STX7: variants seen among roughly 807,000 people sequenced by gnomAD.
The protein encoded by STX7 is syntaxin 7, also known as syntaxin-7.
In STX7, 34 loss-of-function variants were observed where a neutral mutation model predicts 39.6. That is an observed-to-expected ratio of 0.86 (90% CI 0.65 to 1.14). The LOEUF is 1.14. Ranked by LOEUF, STX7 falls within the 50% of genes most tolerant of loss-of-function variation. The pLI is 0.00. For missense variants in STX7, 284 were observed against 310.4 expected, an observed-to-expected ratio of 0.92 and a Z score of 0.64; for synonymous variants, 119 against 99.1, an observed-to-expected ratio of 1.20 and a Z score of -1.19.
chr6:132,472,888 T>G (rs538658228), intron 3 of STX7, among the ~76,000 whole-genome samples: 11 of 152,176 alleles, frequency 7.2e-5, no homozygotes, highest in Non-Finnish European at 1.3e-4. Context: ...CCAGGCATGC[T>G]GGCTCACACC....
chr6:132,507,424 A>T (rs1029383235), intron 1 of STX7, among the ~76,000 whole-genome samples: 1 of 152,260 alleles, frequency 6.6e-6, no homozygotes, highest in Non-Finnish European at 1.5e-5. Flanking sequence ...CATTTCTATT[A>T]CGCTAAAAGG....
intron 7 of STX7, among the ~76,000 whole-genome samples, chr6:132,469,273 A>G (rs1159334721): frequency 1.3e-5 from 2 of 152,206 alleles, no homozygotes; most frequent in Non-Finnish European, 2.9e-5. Context: ...AGGCCTTATA[A>G]AAGGTCTTAC....
rs1175481401 is a variant in STX7 at position 132,459,180 on chromosome 6, G to A, written c.*1578C>T. ...TTGTGTGAATTCTCCTCCCTGCATTGTCCATTCTGTTCTAGGGCAGTCTGA... is the reference window on the plus strand; with the variant it reads ...TTGTGTGAATTCTCCTCCCTGCATTATCCATTCTGTTCTAGGGCAGTCTGA... On this transcript the variant is annotated 3_prime_UTR_variant, in exon 10 of 10. Transcript: ENST00000367941. The A allele has an allele frequency of 1.3e-5, 2 of 152,284 alleles. No homozygotes were observed. Among genetic ancestry groups the A allele is most frequent in the East Asian group, 3.9e-4 (2 of 5,190 alleles). The allele number at this position is 152,284 out of a possible 1,614,324, so 9.4% of individuals were successfully genotyped here. A position where few individuals can be genotyped will look rare whatever the true frequency, so the allele number is the denominator to read the frequency against.
chr6:132,477,166 ATT>A (rs954313077), intron 2 of STX7, among the ~76,000 whole-genome samples: 1 of 152,082 alleles, frequency 6.6e-6, no homozygotes, highest in African/African-American at 2.4e-5. Flanking sequence ...ATAGGAATTT[ATT>A]TTTGCTTTTT....
chr6:132,477,496 C>T (rs1425450464), intron 2 of STX7, among the ~76,000 whole-genome samples: 2 of 152,004 alleles, frequency 1.3e-5, no homozygotes, highest in Non-Finnish European at 2.9e-5. Context: ...AGAAAGAACC[C>T]TACCTCCCAG....
At chr6:132,463,499 T>G (rs1246274929) in intron 9 of STX7, among the ~76,000 whole-genome samples, 1 of 152,196 alleles carries the variant, frequency 6.6e-6, no homozygotes. Context: ...GTCTGCTGAA[T>G]GTGGACAGAA....
At chr6:132,474,456 C>T (rs1325316510) in intron 3 of STX7, among the ~76,000 whole-genome samples, 1 of 151,980 alleles carries the variant, frequency 6.6e-6, no homozygotes, top group Non-Finnish European at 1.5e-5. Context: ...ATTGTAAGTC[C>T]TTCAAATTGT....
At chr6:132,475,691 T>C (rs1294334073) in intron 2 of STX7, 29 bp from the exon 3 acceptor site, 2 of 1,519,544 alleles carry the variant, frequency 1.3e-6, no homozygotes, top group East Asian at 2.3e-5. Context: ...CATGTATTAA[T>C]TGTCACAAAA....
chr6:132,512,192 G>T (rs904057810), intron 1 of STX7, among the ~76,000 whole-genome samples: 4 of 152,012 alleles, frequency 2.6e-5, no homozygotes, highest in Non-Finnish European at 2.9e-5. Context: ...CAGATTCTGG[G>T]CAAGTTTTAT....
At chr6:132,512,146 A>G (rs2114496435) in intron 1 of STX7, among the ~76,000 whole-genome samples, 1 of 152,322 alleles carries the variant, frequency 6.6e-6, no homozygotes, top group Non-Finnish European at 1.5e-5. Flanking sequence ...AACATTATTA[A>G]ATAGCACAGC....
intron 2 of STX7, among the ~76,000 whole-genome samples, 191 bp from the exon 3 acceptor site, chr6:132,475,853 C>T (rs187902942): frequency 4.6e-5 from 7 of 152,146 alleles, no homozygotes; most frequent in Admixed American, 4.6e-4. Flanking sequence ...CAAAAATTTT[C>T]AAGAGGAAAT....
chr6:132,485,730 T>C (rs1428700554), intron 2 of STX7, among the ~76,000 whole-genome samples: 1 of 152,234 alleles, frequency 6.6e-6, no homozygotes, highest in Non-Finnish European at 1.5e-5. Flanking sequence ...ATCCGTGCTT[T>C]TAATTTGTAT....
rs1774240178 is a variant in STX7 at position 132,456,230 on chromosome 6, T to G, written c.*4528A>C. On this transcript the variant is annotated 3_prime_UTR_variant, in exon 10 of 10. Coordinates refer to ENST00000367941, the MANE Select transcript of STX7 (RefSeq NM_003569.3). ...AGCAATTTTCTGGTAGTCTGTCAAT[T>G]AAGAAAAGAAAATGAAATTCAGTTA... 1 of 152,142 alleles carries G rather than the reference T, an allele frequency of 6.6e-6. No individual in the cohort carries two copies. The highest frequency in any genetic ancestry group is 2.4e-5 in the African/African-American group (1 of 41,428). The allele number at this position is 152,142 out of a possible 1,614,324, so 9.4% of individuals were successfully genotyped here.
intron 2 of STX7, among the ~76,000 whole-genome samples, chr6:132,478,802 A>G (rs1188860323): frequency 1.3e-5 from 2 of 152,150 alleles, no homozygotes; most frequent in Admixed American, 1.3e-4. Flanking sequence ...GCTCTACCCT[A>G]AAGGACAGAG....
At chr6:132,477,555 T>C (rs971868720) in intron 2 of STX7, among the ~76,000 whole-genome samples, 9 of 152,082 alleles carry the variant, frequency 5.9e-5, no homozygotes, top group Non-Finnish European at 1.0e-4. Flanking sequence ...AATAGTAAAA[T>C]TGAAAATATT....
At position 132,448,076 on chromosome 6, in the gene STX7, C is replaced by T. The variant is rs1774055906; in HGVS notation, c.*12682G>A. On this transcript the variant is annotated 3_prime_UTR_variant, in exon 10 of 10. Transcript: ENST00000367941. ...TGTTAAGTACTTAGATTAACAACAT[C>T]TAAAGTCATTCATTATCTTAACTTC... 6.6e-6 allele frequency: 1 copy of T among 152,114 alleles called. No homozygotes were observed. The highest frequency in any genetic ancestry group is 2.4e-5 in the African/African-American group (1 of 41,432). 9.4% of individuals were successfully genotyped at this position (152,114 alleles called of 1,614,324 possible). A position where few individuals can be genotyped will look rare whatever the true frequency, so the allele number is the denominator to read the frequency against.
At chr6:132,507,651 T>C (rs998998464) in intron 1 of STX7, among the ~76,000 whole-genome samples, 8 of 128,474 alleles carry the variant, frequency 6.2e-5, no homozygotes, top group African/African-American at 2.6e-4. Context: ...ATTCCTTCAT[T>C]ATTGCCAAAT....
chr6:132,492,306 A>G (rs1156270418), intron 2 of STX7, among the ~76,000 whole-genome samples: 2 of 152,146 alleles, frequency 1.3e-5, no homozygotes, highest in Non-Finnish European at 2.9e-5. Flanking sequence ...CGTGCACCCT[A>G]TTTATCAAAT....
chr6:132,501,961 C>CGCCG (rs1462292146), intron 2 of STX7, among the ~76,000 whole-genome samples: 8 of 151,980 alleles, frequency 5.3e-5, no homozygotes, highest in Non-Finnish European at 8.8e-5. Context: ...GCAGAGCCAA[C>CGCCG]GCCGGTGGCC....
Sources: gnomAD v4.1 joint callset for allele counts (sites outside exome capture counted in the v4.1 genomes callset) on GRCh38, gnomAD v4.1.1 for gene constraint, MANE v1.5 for transcripts, NCBI Gene and HGNC (gene_info 2026-07-23, HGNC 2026-07-21) for gene names.